Variants in LNPK observed in about 807,000 individuals in gnomAD.
LNPK encodes the protein lunapark, ER junction formation factor.
Under a neutral mutation model 55.2 loss-of-function variants are expected in LNPK, and 29 were observed. The observed-to-expected ratio is 0.53, with a 90% CI of 0.39 to 0.72. The LOEUF is 0.72. LNPK is among the 30% of genes least tolerant of loss of function. LNPK has a pLI of 0.00. For missense variants in LNPK, 467 were observed against 494.8 expected, an observed-to-expected ratio of 0.94 and a Z score of 0.53; for synonymous variants, 162 against 168.2, an observed-to-expected ratio of 0.96 and a Z score of 0.29.
At position 175,927,097 on chromosome 2, in the gene LNPK, A is replaced by G. The variant is rs907165321; in HGVS notation, c.*2870T>C. Reference sequence around the variant, plus strand: ...TAGGTAGAACTTAAGGAACACCAACACTTACAGGACGTTGAGAGCAAGAGG... The same window carrying G: ...TAGGTAGAACTTAAGGAACACCAACGCTTACAGGACGTTGAGAGCAAGAGG... On this transcript the variant is annotated 3_prime_UTR_variant, in exon 13 of 13. Transcript: ENST00000272748. The G allele has an allele frequency of 2.0e-5, 3 of 152,230 alleles. No homozygotes were observed. Among genetic ancestry groups the G allele is most frequent in the Non-Finnish European group, 2.9e-5 (2 of 68,050 alleles). The allele number at this position is 152,230 out of a possible 1,614,324, so 9.4% of individuals were successfully genotyped here.
chr2:175,959,409 T>C (rs575091178), intron 8 of LNPK, among the ~76,000 whole-genome samples: 1 of 152,236 alleles, frequency 6.6e-6, no homozygotes, highest in South Asian at 2.1e-4. Context: ...GGGGTCAATA[T>C]TCAACATTCT....
intron 5 of LNPK, among the ~76,000 whole-genome samples, chr2:175,974,871 T>C (rs1686833897): frequency 6.6e-6 from 1 of 151,934 alleles, no homozygotes; most frequent in African/African-American, 2.4e-5. Context: ...AAAGAACCTC[T>C]GAAATATATT....
At chr2:175,965,800 A>C (rs1466686825) in intron 6 of LNPK, among the ~76,000 whole-genome samples, 1 of 47,574 alleles carries the variant, frequency 2.1e-5, no homozygotes. Flanking sequence ...CTTTAGAGTT[A>C]GAAAAAAAAA....
At chr2:175,958,421 C>A (rs1489605185) in intron 8 of LNPK, among the ~76,000 whole-genome samples, 2 of 152,186 alleles carry the variant, frequency 1.3e-5, no homozygotes, top group African/African-American at 4.8e-5. Flanking sequence ...GATACCCAGG[C>A]AAACAGGGTC....
At chr2:175,932,071 T>C in intron 12 of LNPK, 1 of 408,658 alleles carries the variant, frequency 2.4e-6, no homozygotes, top group South Asian at 1.8e-5. Context: ...AAGCTAAGAA[T>C]CCAGGATGTA....
intron 4 of LNPK, among the ~76,000 whole-genome samples, chr2:175,988,478 C>A (rs1250568794): frequency 6.9e-6 from 1 of 145,848 alleles, no homozygotes; most frequent in Non-Finnish European, 1.5e-5. Context: ...CACCATTACA[C>A]TCCAGCCTGG....
In LNPK at chr2:175,956,919, G is replaced by A. The variant is rs549590964; in HGVS notation, c.493+7453C>T. Reference sequence around the variant, plus strand: ...GGCACCTACACGGGTGACTGTAACTGGAAAAGCACACAGAATCCTGCATTA... The same window carrying A: ...GGCACCTACACGGGTGACTGTAACTAGAAAAGCACACAGAATCCTGCATTA... On this transcript the variant is annotated intron_variant, in intron 8 of 12. Transcript: ENST00000272748. 1.7e-3 allele frequency among the ~76,000 whole-genome samples: 260 copies of A among 152,176 alleles called. 1 individual carries two copies. The highest frequency in any genetic ancestry group is 5.8e-3 in the African/African-American group (241 of 41,518).
At chr2:175,934,643 C>T (rs542876563) in intron 12 of LNPK, among the ~76,000 whole-genome samples, 95 of 151,930 alleles carry the variant, frequency 6.3e-4, no homozygotes, top group African/African-American at 2.1e-3. Context: ...AAAAAGAATG[C>T]TTTTTTAAAA....
intron 6 of LNPK, among the ~76,000 whole-genome samples, chr2:175,965,791 T>C (rs1016430376): frequency 5.6e-5 from 4 of 71,164 alleles, no homozygotes; most frequent in African/African-American, 3.5e-4. Flanking sequence ...ATAGTATCAC[T>C]TTAGAGTTAG....
At chr2:175,993,294 T>A in intron 2 of LNPK, 71 bp from the exon 3 acceptor site, 1 of 868,764 alleles carries the variant, frequency 1.2e-6, no homozygotes, top group Non-Finnish European at 1.7e-6. Context: ...ATATAATCAT[T>A]AAAGAACATT....
chr2:176,000,039 T>G (rs896958631), intron 1 of LNPK, among the ~76,000 whole-genome samples: 2 of 152,204 alleles, frequency 1.3e-5, no homozygotes, highest in African/African-American at 4.8e-5. Flanking sequence ...GTGCTGAGAT[T>G]ACAGGCGTGA....
Position 175,929,959 on chromosome 2 carries a change from A to C in LNPK, c.*8T>G. 1 of 1,613,718 alleles carries C rather than the reference A, an allele frequency of 6.2e-7. No homozygotes were observed. The highest frequency in any genetic ancestry group is 1.3e-5 in the African/African-American group (1 of 75,012). On this transcript the variant is annotated 3_prime_UTR_variant, in exon 13 of 13. Transcript: ENST00000272748. ...AAATATCCAGTTGAAGGCACGTGGA[A>C]GCATTTACTACTCTGCCGTCAAAGA...
chr2:175,947,542 G>T lies in LNPK; in HGVS notation c.644C>A (p.Ala215Asp), dbSNP rs559777495. Residue 215 changes from alanine (A) to aspartate (D), a missense_variant, in exon 9 of 13, where the codon GCC becomes GAC. Coordinates refer to ENST00000272748, the MANE Select transcript of LNPK (RefSeq NM_030650.3). ...GGPPERTVTP[A>D]LSSNVLPRHL... is the part of the protein sequence containing the mutation. ...TCTTGGTAACACATTTGATGATAGG[G>T]CTGGAGTAACAGTCCTTTCTGGGGG... 3 of 1,614,018 alleles carry T rather than the reference G, an allele frequency of 1.9e-6. No homozygotes were observed. The South Asian group carries it at 3.3e-5, about 18-fold the overall frequency.
chr2:175,988,843 G>A (rs1355215183), intron 4 of LNPK, among the ~76,000 whole-genome samples: 2 of 152,040 alleles, frequency 1.3e-5, no homozygotes, highest in Non-Finnish European at 2.9e-5. Flanking sequence ...GCGTGACCTC[G>A]GCTCACTGTA....
chr2:175,999,094 C>T (rs1227983289), intron 1 of LNPK, among the ~76,000 whole-genome samples: 1 of 152,160 alleles, frequency 6.6e-6, no homozygotes, highest in East Asian at 1.9e-4. Context: ...GAACAGTCAA[C>T]CAGCACAGTT....
intron 9 of LNPK, among the ~76,000 whole-genome samples, chr2:175,946,025 ATTAT>A (rs1428502233): frequency 3.9e-5 from 6 of 152,176 alleles, no homozygotes; most frequent in African/African-American, 9.6e-5. Context: ...TTTATAATAA[ATTAT>A]TTAACTCATT....
In LNPK at chr2:175,924,710, A is replaced by C. The variant is rs1163838650; in HGVS notation, c.*5257T>G. On this transcript the variant is annotated 3_prime_UTR_variant, in exon 13 of 13. Coordinates refer to ENST00000272748, the MANE Select transcript of LNPK (RefSeq NM_030650.3). ...ACAAAACAAACAAAAAAAAAAAACA[A>C]AGAAGAAGTTTATTTGGCTTACAGT... is the stretch of plus-strand genomic sequence containing the variant. 1 of 151,646 alleles carries C rather than the reference A, an allele frequency of 6.6e-6. No individual in the cohort carries two copies. Among genetic ancestry groups the C allele is most frequent in the Non-Finnish European group, 1.5e-5 (1 of 67,954 alleles). 9.4% of individuals were successfully genotyped at this position (151,646 alleles called of 1,614,324 possible). A position where few individuals can be genotyped will look rare whatever the true frequency, so the allele number is the denominator to read the frequency against.
At chr2:175,950,335 T>C (rs1190749657) in intron 8 of LNPK, among the ~76,000 whole-genome samples, 1 of 152,080 alleles carries the variant, frequency 6.6e-6, no homozygotes, top group Non-Finnish European at 1.5e-5. Context: ...AGAGCTAGTG[T>C]TTGACAGTAC....
At chr2:175,984,199 C>T (rs916604753) in intron 4 of LNPK, among the ~76,000 whole-genome samples, 1 of 148,724 alleles carries the variant, frequency 6.7e-6, no homozygotes, top group East Asian at 2.0e-4. Flanking sequence ...TTTTTTGAGA[C>T]GGAGTCTAGC....
Sources: gnomAD v4.1 joint callset for allele counts (sites outside exome capture counted in the v4.1 genomes callset) on GRCh38, gnomAD v4.1.1 for gene constraint, MANE v1.5 for transcripts, NCBI Gene and HGNC (gene_info 2026-07-23, HGNC 2026-07-21) for gene names.